ST14: variants seen among roughly 807,000 people sequenced by gnomAD.
ST14 encodes the protein ST14 transmembrane serine protease matriptase.
ST14 carries 40 observed loss-of-function variants against 96.5 expected under a neutral mutation model. The ratio of observed to expected loss-of-function variants is 0.41; its 90% CI spans 0.32 to 0.54. The LOEUF (loss-of-function observed/expected upper bound fraction) is 0.54. Among genes scored for constraint, ST14 ranks in the 20% least tolerant of loss-of-function variants. The pLI, the probability that ST14 is intolerant of heterozygous loss-of-function variation, is 0.17. For missense variants in ST14, 1,066 were observed against 1,188.9 expected (o/e 0.90, Z 1.52); for synonymous variants, 506 against 492.1 (o/e 1.03, Z -0.37).
intron 4 of ST14, 50 bp from the exon 5 acceptor site, chr11:130,189,688 TG>T: frequency 6.3e-7 from 1 of 1,598,264 alleles, no homozygotes. Flanking sequence ...TGGGCGCACG[TG>T]GGGGAAATGG....
intron 1 of ST14, among the ~76,000 whole-genome samples, chr11:130,176,809 TTTTTTTTG>T (rs1953142773): frequency 1.5e-5 from 2 of 135,868 alleles, no homozygotes. Context: ...TTTTTTTTTT[TTTTTTTTG>T]AGACGGAGTC....
intron 16 of ST14, 62 bp from the exon 17 acceptor site, chr11:130,208,348 C>A: frequency 1.9e-6 from 3 of 1,610,546 alleles, no homozygotes; most frequent in Non-Finnish European, 2.5e-6. Context: ...ACGCGCGGGG[C>A]CGCGAGGCCG....
chr11:130,175,601 A>G (rs7949922), intron 1 of ST14, among the ~76,000 whole-genome samples: 42,498 of 151,350 alleles, frequency 0.28, 11,749 homozygotes, highest in African/African-American at 0.72. Context: ...GGCTGGTCTC[A>G]AACTCCTGAC....
rs1195143853 is a variant in ST14, at chr11:130,196,434, G to C, written c.1209G>C (p.Glu403Asp). The C allele has an allele frequency of 6.2e-7, 1 of 1,609,068 alleles. No individual in the cohort carries two copies. Among genetic ancestry groups the C allele is most frequent in the Admixed American group, 1.7e-5 (1 of 59,248 alleles). ...GCACCTGCCCCAAGGACTACGTGGAGATCAACGGGGAGAAGTGAGTCCCCG... is the reference window on the plus strand; with the variant it reads ...GCACCTGCCCCAAGGACTACGTGGACATCAACGGGGAGAAGTGAGTCCCCG... Reference protein sequence around the residue: ...PAGTCPKDYVEINGEKYCGER... With the variant: ...PAGTCPKDYVDINGEKYCGER... The change falls in exon 10 of 19, where the codon GAG (glutamate) becomes GAC (aspartate). Residue 403 changes from glutamate (E) to aspartate (D), a missense_variant. Glu to Asp is a conservative substitution (Grantham distance 45). Coordinates refer to ENST00000278742, the MANE Select transcript of ST14 (RefSeq NM_021978.4).
chr11:130,207,652 C>T (rs764533716), intron 16 of ST14, among the ~76,000 whole-genome samples: 2 of 152,248 alleles, frequency 1.3e-5, no homozygotes, highest in South Asian at 2.1e-4. Context: ...GGGTGGGCTC[C>T]GGCTCTGCAG....
rs758176034 is a variant in ST14, at chr11:130,190,480, C to T, written c.661C>T (p.Arg221Cys). 3.7e-5 allele frequency: 59 copies of T among 1,607,714 alleles called. No homozygotes were observed. The highest frequency in any genetic ancestry group is 3.5e-4 in the South Asian group (32 of 91,088). ...DNSCSFGLHA[R>C]GVELMRFTTP... ...CAGCTGCAGCTTTGGCCTGCACGCC[C>T]GCGGTGTGGAGCTGATGCGCTTCAC... The change falls in exon 7 of 19, where the codon CGC (arginine) becomes TGC (cysteine). Residue 221 changes from arginine to cysteine, a missense_variant. Coordinates refer to ENST00000278742, the MANE Select transcript of ST14 (RefSeq NM_021978.4).
At chr11:130,162,729 G>A (rs1198173107) in intron 1 of ST14, among the ~76,000 whole-genome samples, 3 of 152,216 alleles carry the variant, frequency 2.0e-5, no homozygotes, top group African/African-American at 7.2e-5. Context: ...GACCACCCAA[G>A]GTAGTGTGGG....
Position 130,196,369 on chromosome 11 carries a change from T to C in ST14, c.1144T>C (p.Phe382Leu). Residue 382 changes from phenylalanine (F) to leucine (L), a missense_variant, in exon 10 of 19, where the codon TTC (phenylalanine) becomes CTC (leucine). Phe to Leu is a conservative substitution (Grantham distance 22). Transcript: ENST00000278742. ...VPNNQHVKVR[F>L]KFFYLLEPGV... Reference sequence around the variant, plus strand: ...CAACAACCAGCATGTGAAGGTGCGCTTCAAATTCTTCTACCTGCTGGAGCC... The same window carrying C: ...CAACAACCAGCATGTGAAGGTGCGCCTCAAATTCTTCTACCTGCTGGAGCC... The C allele has an allele frequency of 6.2e-7, 1 of 1,604,830 alleles. No individual in the cohort carries two copies. The highest frequency in any genetic ancestry group is 1.1e-5 in the South Asian group (1 of 88,934).
At position 130,171,910 on chromosome 11, in the gene ST14, G is replaced by GA. The variant is rs1953095338; in HGVS notation, c.81+11851dup. Among the ~76,000 whole-genome samples the GA allele has an allele frequency of 3.9e-5, 6 of 152,290 alleles. No homozygotes were observed. In the South Asian group the frequency reaches 1.2e-3, roughly 32 times the overall value. On this transcript the variant is annotated intron_variant, in intron 1 of 18. Coordinates refer to ENST00000278742, the MANE Select transcript of ST14 (RefSeq NM_021978.4). ...AAAAGGGTTAATGAACCAGTCCAGG[G>GA]AGAGCCACGAAGACAACAAGACCCT...
chr11:130,178,984 G>C (rs1197141706), intron 1 of ST14, among the ~76,000 whole-genome samples: 1 of 152,146 alleles, frequency 6.6e-6, no homozygotes, highest in Non-Finnish European at 1.5e-5. Context: ...GGGTCCCCAG[G>C]GCGTGGAAGC....
At chr11:130,174,433 C>A (rs981943971) in intron 1 of ST14, among the ~76,000 whole-genome samples, 11 of 151,698 alleles carry the variant, frequency 7.3e-5, no homozygotes, top group African/African-American at 2.4e-4. Flanking sequence ...GAATTTTGAA[C>A]CCAAATCTAT....
chr11:130,204,705 G>GGGGGCTACTT (rs1358782163), intron 16 of ST14, among the ~76,000 whole-genome samples: 1 of 134,866 alleles, frequency 7.4e-6, no homozygotes, highest in East Asian at 1.9e-4. Flanking sequence ...CCAGCTACTT[G>GGGGGCTACTT]GGGGCGGCTG....
chr11:130,165,111 G>A (rs915870106), intron 1 of ST14, among the ~76,000 whole-genome samples: 11 of 152,158 alleles, frequency 7.2e-5, no homozygotes, highest in African/African-American at 1.9e-4. Flanking sequence ...GCCTGAGGTC[G>A]CAGAGCAAAA....
intron 1 of ST14, among the ~76,000 whole-genome samples, chr11:130,169,515 C>T (rs149894404): frequency 2.6e-5 from 4 of 152,216 alleles, no homozygotes; most frequent in Non-Finnish European, 5.9e-5. Flanking sequence ...CCATGGGCAT[C>T]CTCGTGTTGG....
intron 7 of ST14, among the ~76,000 whole-genome samples, chr11:130,191,671 C>G (rs1303428752): frequency 7.9e-6 from 1 of 127,074 alleles, no homozygotes; most frequent in African/African-American, 3.3e-5. Context: ...GCCTGGGCAA[C>G]AGAGCGAGAC....
Position 130,190,596 on chromosome 11 carries a change from C to T in ST14, c.777C>T (p.Thr259=), listed in dbSNP as rs1953286669. 6.2e-7 allele frequency: 1 copy of T among 1,613,008 alleles called. No individual in the cohort carries two copies. The highest frequency in any genetic ancestry group is 1.3e-5 in the African/African-American group (1 of 74,948). ...RGDADSVLSL[T]FRSFDLASCD... is the part of the protein sequence containing the mutation. The stretch of plus-strand genomic sequence containing the variant: ...ACGCCGACTCAGTGCTGAGCCTCAC[C>T]TTCCGCAGCTTTGACCTTGCGTCCT... The change falls in exon 7 of 19, where the codon ACC becomes ACT. Residue 259 remains threonine, a synonymous_variant. Transcript: ENST00000278742.
At chr11:130,163,713 C>T (rs1953016913) in intron 1 of ST14, among the ~76,000 whole-genome samples, 1 of 152,228 alleles carries the variant, frequency 6.6e-6, no homozygotes, top group African/African-American at 2.4e-5. Context: ...AATCTGCCTT[C>T]TCCAGGGGCT....
chr11:130,188,761 G>A lies in ST14; in HGVS notation c.369+104G>A. On this transcript the variant is annotated intron_variant, in intron 3 of 18. Transcript: ENST00000278742. This position sits in a 1 kb window ranked among gnomAD's most constrained non-coding sequence, Gnocchi z 5.4. ...CCTGTGCTCCCAGGGCCCTGGGATG[G>A]GGGTGATCTGCAAAGGGGACCCGGG... The A allele has an allele frequency of 1.2e-6, 2 of 1,605,384 alleles. No homozygotes were observed. The highest frequency in any genetic ancestry group is 1.7e-6 in the Non-Finnish European group (2 of 1,173,400).
chr11:130,162,083 G>A (rs1565615937), intron 1 of ST14, among the ~76,000 whole-genome samples: 1 of 152,134 alleles, frequency 6.6e-6, no homozygotes, highest in Non-Finnish European at 1.5e-5. Flanking sequence ...TTATTATCTG[G>A]GTCAGCAGAG....
Sources: gnomAD v4.1 joint callset for allele counts (sites outside exome capture counted in the v4.1 genomes callset) on GRCh38, gnomAD v4.1.1 for gene constraint, Gnocchi (gnomAD v3.1) non-coding constraint, MANE v1.5 for transcripts, NCBI Gene and HGNC (gene_info 2026-07-23, HGNC 2026-07-21) for gene names.